Variants in PPFIBP2 observed in about 807,000 individuals in gnomAD.
The protein encoded by PPFIBP2 is PPFIB scaffold protein 2.
PPFIBP2 carries 118 observed loss-of-function variants against 118.3 expected under a neutral mutation model. The ratio of observed to expected loss-of-function variants is 1.00; its 90% CI spans 0.86 to 1.16. The LOEUF is 1.16. PPFIBP2 is among the 50% of genes most tolerant of loss of function. PPFIBP2 has a pLI of 0.00. For missense variants in PPFIBP2, 1,195 were observed against 1,073.1 expected (o/e 1.11, Z -1.59); for synonymous variants, 414 against 397.4 (o/e 1.04, Z -0.50).
intron 1 of PPFIBP2, among the ~76,000 whole-genome samples, chr11:7,523,423 C>T (rs547653083): frequency 1.9e-4 from 29 of 152,324 alleles, no homozygotes; most frequent in Middle Eastern, 3.4e-3. Context: ...TGGGAGCCAA[C>T]GTTGAAGGAA....
the PPFIBP2 span, among the ~76,000 whole-genome samples, chr11:7,663,927 C>T: frequency 1.3e-5 from 2 of 152,192 alleles, no homozygotes; most frequent in African/African-American, 4.8e-5. Context: ...GCGTCCGTCA[C>T]CCCTTTCTTT....
chr11:7,606,002 G>A (rs1325821722), intron 5 of PPFIBP2: 14 of 1,535,036 alleles, frequency 9.1e-6, no homozygotes, highest in Admixed American at 7.9e-5. Context: ...TTGAGGAGAC[G>A]GAGTGCGCCT....
At chr11:7,567,387 C>T (rs1317636813) in intron 3 of PPFIBP2, among the ~76,000 whole-genome samples, 1 of 152,190 alleles carries the variant, frequency 6.6e-6, no homozygotes, top group Non-Finnish European at 1.5e-5. Flanking sequence ...TGGTAGAAAA[C>T]AGCTTGCATT....
downstream of PPFIBP2, among the ~76,000 whole-genome samples, chr11:7,654,738 G>A (rs1040842048): frequency 1.3e-5 from 2 of 152,224 alleles, no homozygotes; most frequent in Non-Finnish European, 2.9e-5. Flanking sequence ...TTATGTTGCG[G>A]TACAGGGATC....
chr11:7,528,618 CAG>C (rs1850422060), intron 1 of PPFIBP2, among the ~76,000 whole-genome samples: 1 of 152,120 alleles, frequency 6.6e-6, no homozygotes, highest in Non-Finnish European at 1.5e-5. Context: ...GGGTAAGAGT[CAG>C]AGAAATGTGG....
intron 1 of PPFIBP2, among the ~76,000 whole-genome samples, chr11:7,521,771 A>T (rs1208752825): frequency 6.6e-6 from 1 of 152,190 alleles, no homozygotes; most frequent in Non-Finnish European, 1.5e-5. Flanking sequence ...TGGCTTTGCA[A>T]TGTTTACCTC....
intron 5 of PPFIBP2, chr11:7,598,288 A>G: frequency 3.3e-6 from 1 of 306,094 alleles, no homozygotes; most frequent in South Asian, 2.9e-5. Flanking sequence ...TTAATATTAT[A>G]TTTTTCCCAT....
chr11:7,594,661 A>G (rs1291290071), intron 4 of PPFIBP2, among the ~76,000 whole-genome samples: 1 of 150,160 alleles, frequency 6.7e-6, no homozygotes, highest in Non-Finnish European at 1.5e-5. Flanking sequence ...GGGTGCCTGT[A>G]ATCCCAGCAC....
chr11:7,655,524 G>A, downstream of PPFIBP2: 1 of 1,287,344 alleles, frequency 7.8e-7, no homozygotes, highest in South Asian at 1.2e-5. Flanking sequence ...TCTCCCCACA[G>A]TCAGACTGGT....
At chr11:7,663,327 G>T in the PPFIBP2 span, among the ~76,000 whole-genome samples, 3 of 150,482 alleles carry the variant, frequency 2.0e-5, no homozygotes, top group African/African-American at 7.3e-5. Context: ...TGGGTTTTTG[G>T]TGTGGATGTC....
At chr11:7,631,559 G>T (rs923752971) in intron 11 of PPFIBP2, among the ~76,000 whole-genome samples, 1 of 151,994 alleles carries the variant, frequency 6.6e-6, no homozygotes, top group South Asian at 2.1e-4. Flanking sequence ...TTAAAATCTG[G>T]TCCTATTGTA....
chr11:7,551,428 T>C (rs902876871), intron 2 of PPFIBP2, among the ~76,000 whole-genome samples: 10 of 152,244 alleles, frequency 6.6e-5, no homozygotes, highest in African/African-American at 2.4e-4. Context: ...TTGTGATATA[T>C]ATTCAGGTCT....
intron 4 of PPFIBP2, among the ~76,000 whole-genome samples, chr11:7,593,581 C>T (rs1859747851): frequency 6.6e-6 from 1 of 152,130 alleles, no homozygotes. Flanking sequence ...GGAGATATAT[C>T]CTCATGCCAC....
the PPFIBP2 span, among the ~76,000 whole-genome samples, chr11:7,664,824 A>G: frequency 7.3e-6 from 1 of 137,352 alleles, no homozygotes; most frequent in Non-Finnish European, 1.6e-5. Flanking sequence ...ACCCCGACAG[A>G]CCCTCGTTTG....
chr11:7,585,080 A>G (rs1857891623), intron 3 of PPFIBP2, among the ~76,000 whole-genome samples: 1 of 152,218 alleles, frequency 6.6e-6, no homozygotes, highest in Non-Finnish European at 1.5e-5. Context: ...ATCTCAGCGT[A>G]TTTACAGGCA....
intron 4 of PPFIBP2, among the ~76,000 whole-genome samples, chr11:7,595,891 CT>C (rs35903584): frequency 0.065 from 9,278 of 143,406 alleles, 793 homozygotes; most frequent in African/African-American, 0.2. Context: ...GATTTTTATC[CT>C]TTTTTTTTTT....
At chr11:7,550,264 T>C (rs1387240420) in intron 2 of PPFIBP2, among the ~76,000 whole-genome samples, 2 of 152,218 alleles carry the variant, frequency 1.3e-5, no homozygotes, top group African/African-American at 2.4e-5. Flanking sequence ...AGTGGCCTCA[T>C]TGGTAGATTG....
At chr11:7,572,774 T>G (rs1855793116) in intron 3 of PPFIBP2, among the ~76,000 whole-genome samples, 1 of 152,184 alleles carries the variant, frequency 6.6e-6, no homozygotes, top group Admixed American at 6.5e-5. Context: ...ATGTTTTGTT[T>G]GTTTTGTTTT....
At chr11:7,664,018 C>T in the PPFIBP2 span, among the ~76,000 whole-genome samples, 2 of 151,690 alleles carry the variant, frequency 1.3e-5, no homozygotes, top group Non-Finnish European at 2.9e-5. Context: ...GCACACGGTG[C>T]GCGCACCCAC....
Sources: allele counts gnomAD v4.1 joint callset (sites outside exome capture counted in the v4.1 genomes callset), GRCh38; gene constraint gnomAD v4.1.1; transcripts MANE v1.5; gene names NCBI Gene and HGNC (gene_info 2026-07-23, HGNC 2026-07-21).